Variants in WNK4 observed in about 807,000 individuals in gnomAD.
WNK4 encodes the protein WNK lysine deficient protein kinase 4.
Under a neutral mutation model 116.2 loss-of-function variants are expected in WNK4, and 94 were observed. The ratio of observed to expected loss-of-function variants is 0.81; its 90% CI spans 0.68 to 0.96. The LOEUF (loss-of-function observed/expected upper bound fraction) is 0.96. WNK4 is among the 40% of genes least tolerant of loss of function. The pLI is 0.00. For synonymous variants in WNK4, 655 were observed against 672.7 expected, an observed-to-expected ratio of 0.97 and a Z score of 0.41; for missense variants, 1,542 against 1,650.6, an observed-to-expected ratio of 0.93 and a Z score of 1.14.
intron 12 of WNK4, 114 bp from the exon 13 acceptor site, chr17:42,794,500 T>C: frequency 8.9e-7 from 1 of 1,119,380 alleles, no homozygotes; most frequent in Non-Finnish European, 1.3e-6. Context: ...CCCTTGAAAC[T>C]CATGTACAGA....
At chr17:42,794,718 T>A in intron 13 of WNK4, 50 bp downstream of exon 13, 1 of 1,613,914 alleles carries the variant, frequency 6.2e-7, no homozygotes. Context: ...GGGTTGCTCC[T>A]GGGAAGGGCA....
chr17:42,784,995 G>A lies in WNK4; in HGVS notation c.1171-102G>A. 1.6e-6 allele frequency: 2 copies of A among 1,225,630 alleles called. No homozygotes were observed. Among genetic ancestry groups the A allele is most frequent in the South Asian group, 1.3e-5 (1 of 77,088 alleles). The allele number at this position is 1,225,630 out of a possible 1,614,324, so 75.9% of individuals were successfully genotyped here. A position where few individuals can be genotyped will look rare whatever the true frequency, so the allele number is the denominator to read the frequency against. ...AGCAGTCAGGCTTTTGCAACTGCAC[G>A]CGCAGCTGCCTAAGGAGGGAGTGGA... On this transcript the variant is annotated intron_variant, in intron 4 of 18. Coordinates refer to ENST00000246914, the MANE Select transcript of WNK4 (RefSeq NM_032387.5). This position sits in a 1 kb window ranked among gnomAD's most constrained non-coding sequence, Gnocchi z 4.4.
At position 42,780,854 on chromosome 17, in the gene WNK4, C is replaced by G; in HGVS notation, c.156C>G (p.Pro52=). ...RARRFSGKAE[P]RPRSSRLSRR... Reference sequence around the variant, plus strand: ...GCCGCTTCTCCGGGAAGGCTGAGCCCCGGCCGCGCTCTTCTCGTCTCAGCC... The same window carrying G: ...GCCGCTTCTCCGGGAAGGCTGAGCCGCGGCCGCGCTCTTCTCGTCTCAGCC... Residue 52 remains proline (P), a synonymous_variant, in exon 1 of 19, where the codon CCC becomes CCG. Coordinates refer to ENST00000246914, the MANE Select transcript of WNK4 (RefSeq NM_032387.5). The G allele has an allele frequency of 1.2e-6, 2 of 1,602,860 alleles. No homozygotes were observed. The highest frequency in any genetic ancestry group is 2.2e-5 in the South Asian group (2 of 91,002).
Position 42,784,270 on chromosome 17 carries a change from A to G in WNK4, c.1012+113A>G. 6.4e-7 allele frequency: 1 copy of G among 1,550,612 alleles called. No individual in the cohort carries two copies. The highest frequency in any genetic ancestry group is 8.8e-7 in the Non-Finnish European group (1 of 1,131,262). On this transcript the variant is annotated intron_variant, in intron 3 of 18. Coordinates refer to ENST00000246914, the MANE Select transcript of WNK4 (RefSeq NM_032387.5). This position sits in a 1 kb window ranked among gnomAD's most constrained non-coding sequence, Gnocchi z 4.4. ...TCAAGGTCCACAAAACTACCAGACGACAGGGAAGCTGAGGAGACCTATGGC... is the reference window on the plus strand; with the variant it reads ...TCAAGGTCCACAAAACTACCAGACGGCAGGGAAGCTGAGGAGACCTATGGC...
At chr17:42,787,959 C>G (rs1479265175) in intron 8 of WNK4, 60 bp downstream of exon 8, 1 of 1,606,352 alleles carries the variant, frequency 6.2e-7, no homozygotes, top group African/African-American at 1.3e-5. Context: ...TATCTCCCTC[C>G]TTGTGAAACC....
At position 42,787,356 on chromosome 17, in the gene WNK4, C is replaced by T. The variant is rs974649105; in HGVS notation, c.1555C>T (p.Arg519Ter). ...ACGTGAACGGGTTGCTGCCATCCAG[C>T]GAAAGCGTGAGAAGCTGCGTAAAGC... ...AVRERVAAIQ[R>*]KREKLRKARE... The change falls in exon 7 of 19, where the codon CGA becomes TGA. Residue 519 changes from arginine (R) to a stop codon, truncating the protein, a stop_gained. Transcript: ENST00000246914. LOFTEE classifies it high-confidence loss of function. 1.4e-5 allele frequency: 22 copies of T among 1,614,004 alleles called. No homozygotes were observed. Among genetic ancestry groups the T allele is most frequent in the Non-Finnish European group, 1.7e-5 (20 of 1,180,026 alleles).
In WNK4 at chr17:42,784,677, A is replaced by G. The variant is rs2054523748; in HGVS notation, c.1170+98A>G. ...AGTCAATGCCCTTTGCCTGCACGAA[A>G]ACAGGCTAGACACAGAGTCGCCTTG... On this transcript the variant is annotated intron_variant, in intron 4 of 18. Transcript: ENST00000246914. This position sits in a 1 kb window ranked among gnomAD's most constrained non-coding sequence, Gnocchi z 4.4. 3.1e-5 allele frequency: 46 copies of G among 1,497,636 alleles called. No individual in the cohort carries two copies. The South Asian group carries it at 5.2e-4, about 17-fold the overall frequency. The allele number at this position is 1,497,636 out of a possible 1,614,324, so 92.8% of individuals were successfully genotyped here. A position where few individuals can be genotyped will look rare whatever the true frequency, so the allele number is the denominator to read the frequency against.
chr17:42,794,481 C>G (rs1273184742), intron 12 of WNK4, 133 bp from the exon 13 acceptor site: 1 of 935,810 alleles, frequency 1.1e-6, no homozygotes, highest in East Asian at 2.6e-5. Flanking sequence ...AGCACATATG[C>G]TTCTGAATCC....
At chr17:42,790,293 A>G (rs758735862) in intron 11 of WNK4, among the ~76,000 whole-genome samples, 1 of 152,178 alleles carries the variant, frequency 6.6e-6, no homozygotes, top group Non-Finnish European at 1.5e-5. Context: ...CTGAGTTGAT[A>G]TGATTGGGAG....
In WNK4 at chr17:42,787,914, C is replaced by A; in HGVS notation, c.1863+15C>A. 6.2e-7 allele frequency: 1 copy of A among 1,608,414 alleles called. No homozygotes were observed. The highest frequency in any genetic ancestry group is 8.5e-7 in the Non-Finnish European group (1 of 1,179,908). On this transcript the variant is annotated intron_variant, in intron 8 of 18. Transcript: ENST00000246914. ...GCCTGCCCTCGGTGAGAGGGGGTCG[C>A]ATGGGGGGCTCCCAGCCATTCCAAG...
At position 42,787,988 on chromosome 17, in the gene WNK4, C is replaced by T. The variant is rs61755597; in HGVS notation, c.1863+89C>T. On this transcript the variant is annotated intron_variant, in intron 8 of 18. Transcript: ENST00000246914. ...TGAAACCCAATCTCATGATCCAGTC[C>T]CATGTCCCTGGAAATCCACCATTCT... 1.3e-4 allele frequency: 210 copies of T among 1,596,340 alleles called. 1 individual carries two copies. In the African/African-American group the frequency reaches 1.9e-3, roughly 14 times the overall value.
chr17:42,793,802 G>A, intron 12 of WNK4, 73 bp downstream of exon 12: 1 of 1,596,620 alleles, frequency 6.3e-7, no homozygotes, highest in Admixed American at 1.7e-5. Flanking sequence ...TCTGCCCTCA[G>A]CGGTCCCCTT....
Position 42,788,780 on chromosome 17 carries a change from G to A in WNK4, c.2140G>A (p.Glu714Lys). 6.2e-7 allele frequency: 1 copy of A among 1,614,140 alleles called. No homozygotes were observed. The highest frequency in any genetic ancestry group is 8.5e-7 in the Non-Finnish European group (1 of 1,179,972). ...RFDLDGDSPE[E>K]IAAAMVYNEF... ...TGATCTGGATGGGGACAGCCCGGAA[G>A]AGATTGCAGCTGCCATGGTGAGGGG... Residue 714 changes from glutamate to lysine, a missense_variant, in exon 11 of 19, where the codon GAG (glutamate) becomes AAG (lysine). Transcript: ENST00000246914.
chr17:42,783,992 C>T lies in WNK4; in HGVS notation c.847C>T (p.Gln283Ter). Residue 283 changes from glutamine to a stop codon, truncating the protein, a stop_gained, in exon 3 of 19, where the codon CAA becomes TAA. Coordinates refer to ENST00000246914, the MANE Select transcript of WNK4 (RefSeq NM_032387.5). LOFTEE classifies it high-confidence loss of function. Reference sequence around the variant, plus strand: ...GCGGGTCCTTCAGCGCTGGAGCCGCCAAATCCTGCGGGGACTTCATTTCCT... The same window carrying T: ...GCGGGTCCTTCAGCGCTGGAGCCGCTAAATCCTGCGGGGACTTCATTTCCT... ...KPRVLQRWSR[Q>*]ILRGLHFLHS... is the part of the protein sequence containing the mutation. The T allele has an allele frequency of 6.2e-7, 1 of 1,614,068 alleles. No homozygotes were observed. Among genetic ancestry groups the T allele is most frequent in the Middle Eastern group, 1.6e-4 (1 of 6,062 alleles).
At position 42,787,327 on chromosome 17, in the gene WNK4, C is replaced by T. The variant is rs143222801; in HGVS notation, c.1526C>T (p.Ala509Val). The T allele has an allele frequency of 2.2e-5, 35 of 1,613,998 alleles. No individual in the cohort carries two copies. The highest frequency in any genetic ancestry group is 2.7e-5 in the Non-Finnish European group (32 of 1,180,048). The stretch of plus-strand genomic sequence containing the variant: ...GCCGATTACCAGCCAGTGGCCCGTG[C>T]AGTACGTGAACGGGTTGCTGCCATC... ...CEADYQPVAR[A>V]VRERVAAIQR... Residue 509 changes from alanine to valine, a missense_variant, in exon 7 of 19, where the codon GCA (alanine) becomes GTA (valine). By Grantham distance (64) the Ala-to-Val change is moderately conservative. This residue lies in a region of WNK4 where 808 missense variants were observed against 873.6 expected (regional missense o/e 0.92). Coordinates refer to ENST00000246914, the MANE Select transcript of WNK4 (RefSeq NM_032387.5).
At position 42,796,124 on chromosome 17, in the gene WNK4, C is replaced by A. The variant is rs761944783; in HGVS notation, c.3433C>A (p.His1145Asn). 5.6e-6 allele frequency: 9 copies of A among 1,614,088 alleles called. No individual in the cohort carries two copies. Among genetic ancestry groups the A allele is most frequent in the Non-Finnish European group, 7.6e-6 (9 of 1,180,028 alleles). ...WAELQSLRQK[H>N]LSEVETLQTL... ...TTCATGCCCTCCGTGCATCCTCAGG[C>A]ACTTGTCAGAGGTGGAAACACTACA... Residue 1145 changes from histidine (H) to asparagine (N), a missense_variant and splice_region_variant, in exon 17 of 19, where the codon CAC (histidine) becomes AAC (asparagine). By Grantham distance (68) the His-to-Asn change is moderately conservative. Transcript: ENST00000246914.
chr17:42,796,181 T>C lies in WNK4; in HGVS notation c.3490T>C (p.Tyr1164His), dbSNP rs141257205. ...ACAGAAAAAAGAAATTGAAGATTTG[T>C]ACAGCCGGCTGGGGAAGCAGCCCCC... Reference protein sequence around the residue: ...TLQKKEIEDLYSRLGKQPPPG... With the variant: ...TLQKKEIEDLHSRLGKQPPPG... The change falls in exon 17 of 19, where the codon TAC becomes CAC. Residue 1164 changes from tyrosine (Y) to histidine (H), a missense_variant. Coordinates refer to ENST00000246914, the MANE Select transcript of WNK4 (RefSeq NM_032387.5). The C allele has an allele frequency of 5.0e-6, 8 of 1,613,948 alleles. No homozygotes were observed. In the African/African-American group the frequency reaches 1.1e-4, roughly 22 times the overall value.
At position 42,788,273 on chromosome 17, in the gene WNK4, T is replaced by C; in HGVS notation, c.1923-17T>C. On this transcript the variant is annotated splice_polypyrimidine_tract_variant and intron_variant, in intron 9 of 18. Transcript: ENST00000246914. ...TGTCTGCTCTGACAGTCATTCTCTC[T>C]CCTTTCTCTTTAACAGCTATGCCTC... is the stretch of plus-strand genomic sequence containing the variant. The C allele has an allele frequency of 6.2e-7, 1 of 1,613,978 alleles. No homozygotes were observed. The highest frequency in any genetic ancestry group is 8.5e-7 in the Non-Finnish European group (1 of 1,179,888).
chr17:42,787,677 T>C, intron 7 of WNK4, 101 bp from the exon 8 acceptor site: 14 of 1,593,798 alleles, frequency 8.8e-6, no homozygotes, highest in Non-Finnish European at 1.2e-5. Context: ...AGGAAGGAAC[T>C]CTCCCACAGC....
Sources: allele counts gnomAD v4.1 joint callset (sites outside exome capture counted in the v4.1 genomes callset), GRCh38; gene constraint gnomAD v4.1.1; regional missense constraint gnomAD v4.1.1; non-coding constraint Gnocchi (gnomAD v3.1); transcripts MANE v1.5; gene names NCBI Gene and HGNC (gene_info 2026-07-23, HGNC 2026-07-21).